ATRN: variants seen among roughly 807,000 people sequenced by gnomAD.
The protein encoded by ATRN is attractin, also known as attractin-2.
In ATRN, 54 loss-of-function variants were observed where a neutral mutation model predicts 178.7. That is an observed-to-expected ratio of 0.30 (90% CI 0.24 to 0.38). The LOEUF is 0.38. Ranked by LOEUF, ATRN falls within the 10% of genes least tolerant of loss-of-function variation. The pLI, the probability that ATRN is intolerant of heterozygous loss-of-function variation, is 1.00. For missense variants in ATRN, 1,443 were observed against 1,815.1 expected (o/e 0.79, Z 3.73); for synonymous variants, 636 against 663.0 (o/e 0.96, Z 0.63).
chr20:3,562,922 T>A (rs1156882665), intron 9 of ATRN, among the ~76,000 whole-genome samples: 1 of 152,222 alleles, frequency 6.6e-6, no homozygotes, highest in Non-Finnish European at 1.5e-5. Flanking sequence ...CCATTATGCA[T>A]TAAGCTTCTG....
At chr20:3,487,288 C>T (rs1412244697) in intron 1 of ATRN, among the ~76,000 whole-genome samples, 1 of 152,038 alleles carries the variant, frequency 6.6e-6, no homozygotes, top group African/African-American at 2.4e-5. Flanking sequence ...GGCTGGAGTG[C>T]AGTGGCATGA....
chr20:3,493,742 A>G (rs965391500), intron 1 of ATRN, among the ~76,000 whole-genome samples: 9 of 152,188 alleles, frequency 5.9e-5, no homozygotes, highest in African/African-American at 2.2e-4. Flanking sequence ...TTTGAAAGAA[A>G]GGTCCACCTG....
intron 1 of ATRN, among the ~76,000 whole-genome samples, chr20:3,474,396 A>G (rs2084482590): frequency 6.6e-6 from 1 of 152,072 alleles, no homozygotes; most frequent in Non-Finnish European, 1.5e-5. Context: ...GGAGGAACTT[A>G]TGACTCTGGT....
At chr20:3,576,218 T>A (rs1360978937) in intron 13 of ATRN, among the ~76,000 whole-genome samples, 1 of 152,186 alleles carries the variant, frequency 6.6e-6, no homozygotes, top group African/African-American at 2.4e-5. Context: ...GATCCTTGGT[T>A]TGAGGCATCT....
chr20:3,641,482 T>C (rs1782907568), intron 27 of ATRN, among the ~76,000 whole-genome samples: 2 of 146,422 alleles, frequency 1.4e-5, no homozygotes, highest in African/African-American at 5.1e-5. Context: ...TCCCAGCTAC[T>C]TGGGAGGCTG....
chr20:3,575,924 G>A lies in ATRN; in HGVS notation c.2190G>A (p.Arg730=), dbSNP rs2086202860. The A allele has an allele frequency of 6.2e-7, 1 of 1,614,074 alleles. No homozygotes were observed. The highest frequency in any genetic ancestry group is 8.5e-7 in the Non-Finnish European group (1 of 1,179,970). ...GGTGCAATGACCATTGTGTCCCCAG[G>A]AACCACAGCTGCTCAGAAGGCCAGG... ...CHWCNDHCVP[R]NHSCSEGQIS... is the part of the protein sequence containing the mutation. The change falls in exon 13 of 29, where the codon AGG becomes AGA. Residue 730 remains arginine, a synonymous_variant. Coordinates refer to ENST00000262919, the MANE Select transcript of ATRN (RefSeq NM_139321.3).
Position 3,560,817 on chromosome 20 carries a change from A to G in ATRN, c.1359A>G (p.Thr453=), listed in dbSNP as rs368112163. The change falls in exon 8 of 29, where the codon ACA becomes ACG. Residue 453 remains threonine (T), a synonymous_variant. Coordinates refer to ENST00000262919, the MANE Select transcript of ATRN (RefSeq NM_139321.3). ...TTGGGCACTCTGCACACATTGTTAC[A>G]CTGAAGAATGGCCGAGTGGTCATGC... The part of the protein sequence containing the change: ...AVVGHSAHIV[T]LKNGRVVMLV... 5.0e-6 allele frequency: 8 copies of G among 1,614,058 alleles called. No homozygotes were observed. The African/African-American group carries it at 6.7e-5, about 13-fold the overall frequency.
At position 3,604,216 on chromosome 20, in the gene ATRN, C is replaced by G. The variant is rs913089502; in HGVS notation, c.3755C>G (p.Thr1252Ser). 1 of 1,612,516 alleles carries G rather than the reference C, an allele frequency of 6.2e-7. No homozygotes were observed. The highest frequency in any genetic ancestry group is 1.3e-5 in the African/African-American group (1 of 74,816). Residue 1252 changes from threonine (T) to serine (S), a missense_variant, in exon 24 of 29, where the codon ACT becomes AGT. Thr to Ser is a moderately conservative substitution (Grantham distance 58, BLOSUM62 1). This residue lies in a region of ATRN where 289 missense variants were observed against 440.8 expected (regional missense o/e 0.66). Transcript: ENST00000262919. ...KFDFRNHPNI[T>S]FFVYVSNFTW... ...GATTTTCGCAACCACCCAAATATCA[C>G]TTTCTTTGTTTATGTCAGTAATTTC...
intron 24 of ATRN, among the ~76,000 whole-genome samples, chr20:3,605,831 G>T (rs1334052813): frequency 1.3e-5 from 2 of 152,126 alleles, no homozygotes; most frequent in Non-Finnish European, 2.9e-5. Context: ...GATGATGTGT[G>T]TAGCAAACCA....
intron 19 of ATRN, among the ~76,000 whole-genome samples, chr20:3,592,731 C>G (rs2086466896): frequency 6.6e-6 from 1 of 152,054 alleles, no homozygotes; most frequent in Non-Finnish European, 1.5e-5. Context: ...GCTGTGTGTC[C>G]CTTACTCTCC....
intron 11 of ATRN, 49 bp downstream of exon 11, chr20:3,565,481 T>C: frequency 2.0e-6 from 3 of 1,532,884 alleles, no homozygotes; most frequent in African/African-American, 1.4e-5. Context: ...AAAATGAAAA[T>C]AAAGGGCCGG....
At chr20:3,500,149 A>G (rs967041681) in intron 1 of ATRN, among the ~76,000 whole-genome samples, 2 of 152,176 alleles carry the variant, frequency 1.3e-5, no homozygotes, top group African/African-American at 2.4e-5. Context: ...ATCTCACACC[A>G]GTTAGAATGG....
chr20:3,600,914 T>G, intron 22 of ATRN, 32 bp from the exon 23 acceptor site: 2 of 1,561,434 alleles, frequency 1.3e-6, no homozygotes, highest in Non-Finnish European at 1.8e-6. Context: ...ATTGTTTTAA[T>G]TAATTTTCTA....
At chr20:3,514,565 G>C (rs57391116) in intron 1 of ATRN, among the ~76,000 whole-genome samples, 1 of 152,044 alleles carries the variant, frequency 6.6e-6, no homozygotes, top group African/African-American at 2.4e-5. Context: ...AGTATCATTC[G>C]CAACATTTAC....
chr20:3,560,541 A>G (rs1033376791), intron 7 of ATRN, 121 bp from the exon 8 acceptor site: 3 of 839,526 alleles, frequency 3.6e-6, no homozygotes, highest in African/African-American at 3.4e-5. Flanking sequence ...GGGTAGTTCT[A>G]TTTTTAGTTT....
intron 1 of ATRN, among the ~76,000 whole-genome samples, chr20:3,488,210 A>G (rs911221452): frequency 3.9e-5 from 6 of 152,104 alleles, no homozygotes; most frequent in Non-Finnish European, 8.8e-5. Flanking sequence ...CTTGATTTTA[A>G]CGTAGTGAAA....
rs117555930 is a variant in ATRN, at chr20:3,582,464, A to G, written c.2764+110A>G. ...AAGTAGTCATGAAAACAGATGAAGTATTGATTTCAAGCATGCAAAGAAGAG... is the reference window on the plus strand; with the variant it reads ...AAGTAGTCATGAAAACAGATGAAGTGTTGATTTCAAGCATGCAAAGAAGAG... On this transcript the variant is annotated intron_variant, in intron 16 of 28. Coordinates refer to ENST00000262919, the MANE Select transcript of ATRN (RefSeq NM_139321.3). 5.9e-4 allele frequency: 577 copies of G among 981,796 alleles called. 13 individuals carry two copies. In the East Asian group the frequency reaches 0.015, roughly 25 times the overall value. 60.8% of individuals were successfully genotyped at this position (981,796 alleles called of 1,614,324 possible). A position where few individuals can be genotyped will look rare whatever the true frequency, so the allele number is the denominator to read the frequency against.
intron 26 of ATRN, among the ~76,000 whole-genome samples, chr20:3,635,588 G>A (rs1238326086): frequency 6.6e-6 from 1 of 152,012 alleles, no homozygotes; most frequent in African/African-American, 2.4e-5. Context: ...ATCTACTCAT[G>A]CCTTTTTCTA....
intron 23 of ATRN, among the ~76,000 whole-genome samples, chr20:3,601,834 A>G (rs1228316528): frequency 6.7e-6 from 1 of 150,214 alleles, no homozygotes; most frequent in African/African-American, 2.5e-5. Context: ...ATTGTACTCC[A>G]GTGTGGGCAA....
Sources: allele counts gnomAD v4.1 joint callset (sites outside exome capture counted in the v4.1 genomes callset), GRCh38; gene constraint gnomAD v4.1.1; regional missense constraint gnomAD v4.1.1; transcripts MANE v1.5; gene names NCBI Gene and HGNC (gene_info 2026-07-23, HGNC 2026-07-21).